The following SUN1 variants were observed in gnomAD, a reference collection of about 807,000 sequenced individuals.
The protein encoded by SUN1 is Sad1 and UNC84 domain containing 1.
A neutral mutation model predicts 103.2 loss-of-function variants in SUN1; 61 were observed. That is an observed-to-expected ratio of 0.59 (90% confidence interval 0.48 to 0.73). The LOEUF is 0.73. SUN1 is among the 30% of genes least tolerant of loss of function. The pLI is 0.00. For synonymous variants in SUN1, 490 were observed against 425.7 expected (o/e 1.15, Z -1.86); for missense variants, 1,052 against 1,034.6 (o/e 1.02, Z -0.23).
intron 1 of SUN1, among the ~76,000 whole-genome samples, chr7:820,484 T>C (rs144745028): frequency 6.6e-6 from 1 of 152,328 alleles, no homozygotes; most frequent in Non-Finnish European, 1.5e-5. Context: ...GTTGATTCAT[T>C]AGGATTTTCT....
chr7:838,609 A>G (rs1309229272), intron 1 of SUN1, among the ~76,000 whole-genome samples, 189 bp from the exon 2 acceptor site: 1 of 152,218 alleles, frequency 6.6e-6, no homozygotes, highest in Non-Finnish European at 1.5e-5. Context: ...TGGCTGGGGC[A>G]GATGTCAGGA....
intron 2 of SUN1, chr7:839,212 C>G: frequency 2.3e-6 from 1 of 443,894 alleles, no homozygotes; most frequent in East Asian, 3.5e-5. Flanking sequence ...TGATGTTCTG[C>G]TGTTCTTGTT....
chr7:868,272 G>C (rs4721962), intron 16 of SUN1, among the ~76,000 whole-genome samples: 1 of 152,204 alleles, frequency 6.6e-6, no homozygotes, highest in Non-Finnish European at 1.5e-5. Context: ...GTCAGTCCCT[G>C]TGTGTGCCTG....
In SUN1 at chr7:851,366, C is replaced by CA. The variant is rs1821955128; in HGVS notation, c.659-17dup. 6.4e-7 allele frequency: 1 copy of CA among 1,569,888 alleles called. No individual in the cohort carries two copies. Among genetic ancestry groups the CA allele is most frequent in the Non-Finnish European group, 8.6e-7 (1 of 1,156,894 alleles). On this transcript the variant is annotated splice_polypyrimidine_tract_variant and intron_variant, in intron 5 of 18. Transcript: ENST00000401592. Reference sequence around the variant, plus strand: ...TCCCTGGCGTCTGTCTGAGGCCACACACGTCTTCCCTGCACAGGTTACTTC... The same window carrying CA: ...TCCCTGGCGTCTGTCTGAGGCCACACAACGTCTTCCCTGCACAGGTTACTTC...
chr7:817,747 T>C (rs1782170780), intron 1 of SUN1, among the ~76,000 whole-genome samples: 1 of 152,244 alleles, frequency 6.6e-6, no homozygotes, highest in Admixed American at 6.5e-5. Context: ...TCATCTGTTG[T>C]TGGACACTTG....
intron 2 of SUN1, among the ~76,000 whole-genome samples, chr7:839,575 A>C (rs1427393635): frequency 1.7e-5 from 2 of 116,358 alleles, no homozygotes; most frequent in African/African-American, 6.3e-5. Context: ...TTTGAGACAG[A>C]GTCTCACTTC....
In SUN1 at chr7:873,195, T is replaced by G. The variant is rs752572633; in HGVS notation, c.2242-20T>G. Reference sequence around the variant, plus strand: ...ATTAATATGAAATACATGTGTGTGTTTTTCCCACCTTGATTTCAGAAAAGA... The same window carrying G: ...ATTAATATGAAATACATGTGTGTGTGTTTCCCACCTTGATTTCAGAAAAGA... On this transcript the variant is annotated intron_variant, in intron 18 of 18. Transcript: ENST00000401592. The G allele has an allele frequency of 4.3e-6, 7 of 1,610,202 alleles. No homozygotes were observed. In the African/African-American group the frequency reaches 5.3e-5, roughly 12 times the overall value.
At chr7:830,144 AG>A (rs1796588316), upstream of SUN1, among the ~76,000 whole-genome samples, 1 of 151,860 alleles carries the variant, frequency 6.6e-6, no homozygotes, top group Non-Finnish European at 1.5e-5. Context: ...CAGGGTGGGG[AG>A]GGGAGTTGGG....
At chr7:865,269 G>A (rs756274138) in intron 15 of SUN1, among the ~76,000 whole-genome samples, 3 of 151,872 alleles carry the variant, frequency 2.0e-5, no homozygotes, top group Non-Finnish European at 4.4e-5. Flanking sequence ...CACCATGCCC[G>A]GCTAATTTGT....
Position 874,201 on chromosome 7 carries a change from G to A in SUN1, c.*870G>A, listed in dbSNP as rs563431906. ...CTCACTGGTGGTGATAAGAGGAGCC[G>A]TCTGGTGTGTCAGGGTCACGAACCC... On this transcript the variant is annotated 3_prime_UTR_variant, in exon 19 of 19. Transcript: ENST00000401592. 9 of 152,548 alleles carry A rather than the reference G, an allele frequency of 5.9e-5. No individual in the cohort carries two copies. Among genetic ancestry groups the A allele is most frequent in the Non-Finnish European group, 8.8e-5 (6 of 68,028 alleles). The allele number at this position is 152,548 out of a possible 1,614,324, so 9.4% of individuals were successfully genotyped here. A position where few individuals can be genotyped will look rare whatever the true frequency, so the allele number is the denominator to read the frequency against.
intron 5 of SUN1, chr7:849,669 G>C: frequency 6.7e-7 from 1 of 1,499,950 alleles, no homozygotes; most frequent in Non-Finnish European, 9.2e-7. Context: ...TGTCATGTTG[G>C]GTACTAGCAG....
Position 853,630 on chromosome 7 carries a change from C to T in SUN1, c.1263+12C>T, listed in dbSNP as rs777780305. 4.3e-5 allele frequency: 68 copies of T among 1,598,150 alleles called. No individual in the cohort carries two copies. The highest frequency in any genetic ancestry group is 5.3e-5 in the Non-Finnish European group (62 of 1,179,344). Reference sequence around the variant, plus strand: ...AGCCCCCGAGGGAGGTGGGTGCTGCCGGGCTACCAGGCTCCATGGTGACAC... The same window carrying T: ...AGCCCCCGAGGGAGGTGGGTGCTGCTGGGCTACCAGGCTCCATGGTGACAC... On this transcript the variant is annotated intron_variant, in intron 10 of 18. Transcript: ENST00000401592.
intron 15 of SUN1, 93 bp from the exon 16 acceptor site, chr7:865,859 G>A: frequency 9.4e-7 from 1 of 1,061,856 alleles, no homozygotes; most frequent in South Asian, 1.3e-5. Flanking sequence ...CACTTTTCTT[G>A]GAAACATTTT....
At chr7:832,364 C>T, upstream of SUN1, 1 of 734,438 alleles carries the variant, frequency 1.4e-6, no homozygotes, top group Non-Finnish European at 2.4e-6. Flanking sequence ...TTAGAAAACA[C>T]TGCTGCTGGC....
chr7:819,314 C>G (rs1464278452), intron 1 of SUN1, among the ~76,000 whole-genome samples: 1 of 150,960 alleles, frequency 6.6e-6, no homozygotes, highest in African/African-American at 2.4e-5. Context: ...TTGTTGGTGT[C>G]CTTTGATGCA....
intron 1 of SUN1, among the ~76,000 whole-genome samples, chr7:822,506 G>A (rs886075900): frequency 6.6e-6 from 1 of 152,182 alleles, no homozygotes; most frequent in Non-Finnish European, 1.5e-5. Context: ...TGTGTAGTTT[G>A]AACACAGAGC....
rs199630068 is a variant in SUN1 at position 872,559 on chromosome 7, C to T, written c.2238C>T (p.Ala746=). Residue 746 remains alanine (A), a synonymous_variant, in exon 18 of 19, where the codon GCC becomes GCT. Coordinates refer to ENST00000401592, the MANE Select transcript of SUN1 (RefSeq NM_001130965.3). Reference sequence around the variant, plus strand: ...GGGAGTCGCTCCAGATGTTCCAGGCCCTGGTAAGAACTGGGACTGGCACTG... The same window carrying T: ...GGGAGTCGCTCCAGATGTTCCAGGCTCTGGTAAGAACTGGGACTGGCACTG... ...QDGESLQMFQ[A]LKRPDDTAFQ... 6.6e-5 allele frequency: 104 copies of T among 1,582,590 alleles called. No individual in the cohort carries two copies. The South Asian group carries it at 7.3e-4, about 11-fold the overall frequency.
chr7:831,987 G>C (rs1274790586), upstream of SUN1: 1 of 965,078 alleles, frequency 1.0e-6, no homozygotes, highest in African/African-American at 1.8e-5. Flanking sequence ...AGTGTAAATA[G>C]TGCCTTAAGC....
At chr7:817,808 C>A (rs1782229959) in intron 1 of SUN1, among the ~76,000 whole-genome samples, 2 of 152,056 alleles carry the variant, frequency 1.3e-5, no homozygotes, top group Admixed American at 1.3e-4. Context: ...TAATAATTTC[C>A]TTTTCTTTGT....
Sources: allele counts gnomAD v4.1 joint callset (sites outside exome capture counted in the v4.1 genomes callset), GRCh38; gene constraint gnomAD v4.1.1; transcripts MANE v1.5; gene names NCBI Gene and HGNC (gene_info 2026-07-23, HGNC 2026-07-21).